The following SCN3A variants were observed in gnomAD, a reference collection of about 807,000 sequenced individuals.
SCN3A encodes sodium voltage-gated channel alpha subunit 3.
SCN3A carries 60 observed loss-of-function variants against 187.6 expected under a neutral mutation model. The ratio of observed to expected loss-of-function variants is 0.32; its 90% CI spans 0.26 to 0.40. The LOEUF (loss-of-function observed/expected upper bound fraction) is 0.40. SCN3A is among the 10% of genes least tolerant of loss of function. The pLI is 1.00. For synonymous variants in SCN3A, 788 were observed against 829.2 expected (o/e 0.95, Z 0.85); for missense variants, 1,601 against 2,428.2 (o/e 0.66, Z 7.16).
intron 11 of SCN3A, among the ~76,000 whole-genome samples, chr2:165,153,966 C>T (rs1257111515): frequency 2.1e-5 from 3 of 139,864 alleles, no homozygotes; most frequent in Admixed American, 7.4e-5. Context: ...TCCTGATATC[C>T]TGATGTGGGC....
At chr2:165,124,494 C>CT (rs1361443040) in intron 18 of SCN3A, among the ~76,000 whole-genome samples, 1 of 152,030 alleles carries the variant, frequency 6.6e-6, no homozygotes, top group African/African-American at 2.4e-5. Context: ...CTAGTTTTCT[C>CT]TTTTTTCTTT....
chr2:165,145,777 A>G (rs1375177768), intron 12 of SCN3A, among the ~76,000 whole-genome samples: 1 of 152,012 alleles, frequency 6.6e-6, no homozygotes, highest in Non-Finnish European at 1.5e-5. Flanking sequence ...ATTATCTCTC[A>G]AAGCATTATT....
intron 1 of SCN3A, among the ~76,000 whole-genome samples, chr2:165,191,814 A>G (rs896908981): frequency 6.6e-6 from 1 of 152,090 alleles, no homozygotes; most frequent in Non-Finnish European, 1.5e-5. Flanking sequence ...TTTGGGGTCT[A>G]TTTTCACCAA....
At chr2:165,106,030 A>G (rs1379311614) in intron 21 of SCN3A, among the ~76,000 whole-genome samples, 2 of 152,196 alleles carry the variant, frequency 1.3e-5, no homozygotes, top group Admixed American at 1.3e-4. Flanking sequence ...ATGCTATATA[A>G]AAGCAAATAC....
chr2:165,183,204 T>C (rs1329143928), intron 2 of SCN3A, among the ~76,000 whole-genome samples: 2 of 152,166 alleles, frequency 1.3e-5, no homozygotes, highest in East Asian at 3.9e-4. Flanking sequence ...AAAGACATAC[T>C]TGGGATTTAA....
rs75220272 is a variant in SCN3A, at chr2:165,160,974, G to A, written c.1031+1334C>T. 1.9e-3 allele frequency among the ~76,000 whole-genome samples: 286 copies of A among 152,222 alleles called. 8 individuals carry two copies. In the East Asian group the frequency reaches 0.049, roughly 26 times the overall value. On this transcript the variant is annotated intron_variant, in intron 9 of 27. Coordinates refer to ENST00000283254, the MANE Select transcript of SCN3A (RefSeq NM_006922.4). ...GAGACAGCCTATCACCTAGGCTGGA[G>A]TGCAGTGGCATGATCATAGCTCACT... is the stretch of plus-strand genomic sequence containing the variant.
At chr2:165,177,577 G>T (rs547414400) in intron 2 of SCN3A, among the ~76,000 whole-genome samples, 2 of 152,190 alleles carry the variant, frequency 1.3e-5, no homozygotes, top group East Asian at 3.9e-4. Context: ...AGTTCTTGCT[G>T]TGCTGGAACC....
chr2:165,152,608 A>G (rs1373058641), intron 11 of SCN3A, among the ~76,000 whole-genome samples: 1 of 152,190 alleles, frequency 6.6e-6, no homozygotes, highest in Admixed American at 6.5e-5. Context: ...TGGCTGGGTT[A>G]AATGGTATTT....
chr2:165,125,308 C>CTT (rs773609297), intron 18 of SCN3A, among the ~76,000 whole-genome samples: 20 of 145,848 alleles, frequency 1.4e-4, no homozygotes, highest in Non-Finnish European at 2.6e-4. Flanking sequence ...CAGGATTAAA[C>CTT]TTTTTTTTTT....
intron 1 of SCN3A, among the ~76,000 whole-genome samples, chr2:165,196,432 G>A (rs539273712): frequency 2.6e-5 from 4 of 152,228 alleles, no homozygotes; most frequent in Non-Finnish European, 4.4e-5. Context: ...GAATGTTAGA[G>A]ATGGGTGAAG....
At chr2:165,117,505 C>T (rs937979864) in intron 18 of SCN3A, among the ~76,000 whole-genome samples, 8 of 151,976 alleles carry the variant, frequency 5.3e-5, no homozygotes, top group South Asian at 2.1e-4. Context: ...TATACACACA[C>T]GTATACCAAC....
At chr2:165,173,858 C>T (rs977519137) in intron 3 of SCN3A, among the ~76,000 whole-genome samples, 7 of 152,218 alleles carry the variant, frequency 4.6e-5, no homozygotes, top group South Asian at 4.1e-4. Flanking sequence ...TGCAGCCAAC[C>T]GTAAAGACTA....
intron 5 of SCN3A, among the ~76,000 whole-genome samples, chr2:165,168,066 A>C (rs925186501): frequency 2.0e-5 from 3 of 152,146 alleles, no homozygotes; most frequent in African/African-American, 7.2e-5. Context: ...ATTAGAAAAG[A>C]ATCAACTGGG....
At chr2:165,167,224 T>C (rs1689824634) in intron 5 of SCN3A, among the ~76,000 whole-genome samples, 2 of 152,206 alleles carry the variant, frequency 1.3e-5, no homozygotes, top group South Asian at 4.1e-4. Flanking sequence ...GAAAACCACA[T>C]ACAGAGTAGT....
intron 4 of SCN3A, 108 bp from the exon 5 acceptor site, chr2:165,168,933 A>T: frequency 1.4e-6 from 1 of 739,960 alleles, no homozygotes; most frequent in South Asian, 1.6e-5. Context: ...AATTAATATT[A>T]TTTGTTTTAA....
intron 18 of SCN3A, among the ~76,000 whole-genome samples, chr2:165,115,786 T>C (rs1356299156): frequency 6.6e-6 from 1 of 152,198 alleles, no homozygotes; most frequent in Non-Finnish European, 1.5e-5. Flanking sequence ...AAAAAAAGTT[T>C]AGACAACATT....
chr2:165,094,517 C>A, intron 25 of SCN3A, 39 bp from the exon 26 acceptor site: 2 of 1,331,324 alleles, frequency 1.5e-6, no homozygotes, highest in South Asian at 2.4e-5. Context: ...ATTCTGTGTT[C>A]CAATAGTACT....
chr2:165,201,131 T>G (rs552491275), intron 1 of SCN3A, among the ~76,000 whole-genome samples: 37 of 152,212 alleles, frequency 2.4e-4, no homozygotes, highest in African/African-American at 8.7e-4. Context: ...TAAGGCCCTT[T>G]GCCTCTATTT....
chr2:165,117,790 T>C (rs1037498947), intron 18 of SCN3A, among the ~76,000 whole-genome samples: 4 of 152,108 alleles, frequency 2.6e-5, no homozygotes, highest in African/African-American at 9.7e-5. Context: ...AAATAATATG[T>C]TAATAATAAA....
Sources: gnomAD v4.1 joint callset for allele counts (sites outside exome capture counted in the v4.1 genomes callset) on GRCh38, gnomAD v4.1.1 for gene constraint, MANE v1.5 for transcripts, NCBI Gene and HGNC (gene_info 2026-07-23, HGNC 2026-07-21) for gene names.